Variants in ARMC3 observed in about 807,000 individuals in gnomAD.
ARMC3 encodes the protein armadillo repeat-containing protein 3.
Under a neutral mutation model 90.3 loss-of-function variants are expected in ARMC3, and 74 were observed. The ratio of observed to expected loss-of-function variants is 0.82; its 90% CI spans 0.68 to 0.99. The LOEUF (loss-of-function observed/expected upper bound fraction) is 0.99. ARMC3 is among the 50% of genes least tolerant of loss of function. The pLI, the probability that ARMC3 is intolerant of heterozygous loss-of-function variation, is 0.00. For missense variants in ARMC3, 958 were observed against 1,042.8 expected (o/e 0.92, Z 1.12); for synonymous variants, 334 against 361.8 (o/e 0.92, Z 0.87).
intron 12 of ARMC3, among the ~76,000 whole-genome samples, chr10:23,002,571 TTTCTTTCTTTC>T (rs750985656): frequency 0.014 from 2,049 of 146,794 alleles, 32 homozygotes; most frequent in Middle Eastern, 0.048. Context: ...TCTTTCTTTC[TTTCTTTCTTTC>T]TTTTTCTTTC....
At chr10:23,030,140 AAT>A (rs571482598) in intron 16 of ARMC3, among the ~76,000 whole-genome samples, 197 of 152,296 alleles carry the variant, frequency 1.3e-3, no homozygotes, top group African/African-American at 4.2e-3. Flanking sequence ...TGTCCTGCCT[AAT>A]ATAGACTCTA....
chr10:22,954,445 T>G (rs1834849576), intron 3 of ARMC3, among the ~76,000 whole-genome samples: 1 of 151,630 alleles, frequency 6.6e-6, no homozygotes, highest in Admixed American at 6.6e-5. Context: ...GAGGATCACT[T>G]GAGCCCAGGA....
At chr10:22,992,964 A>C (rs1403659585) in intron 10 of ARMC3, among the ~76,000 whole-genome samples, 1 of 144,884 alleles carries the variant, frequency 6.9e-6, no homozygotes, top group East Asian at 2.0e-4. Flanking sequence ...GTCTGCCGCC[A>C]ATATGTCTTC....
chr10:22,961,777 G>T, intron 6 of ARMC3, 107 bp from the exon 7 acceptor site: 1 of 944,056 alleles, frequency 1.1e-6, no homozygotes, highest in East Asian at 2.8e-5. Flanking sequence ...TGGAATAAAA[G>T]ATGGGCAAAT....
Position 23,003,376 on chromosome 10 carries a change from A to C in ARMC3, c.1693A>C (p.Ser565Arg), listed in dbSNP as rs761894758. 22 of 1,611,768 alleles carry C rather than the reference A, an allele frequency of 1.4e-5. No homozygotes were observed. The highest frequency in any genetic ancestry group is 1.9e-5 in the Non-Finnish European group (22 of 1,179,104). Residue 565 changes from serine (S) to arginine (R), a missense_variant, in exon 13 of 19, where the codon AGT becomes CGT. Physicochemically the swap from Ser to Arg is moderately radical, Grantham distance 110. Coordinates refer to ENST00000298032, the MANE Select transcript of ARMC3 (RefSeq NM_173081.5). ...KYSQTGYLSSSNIINDGFYDY... is the reference protein window; with the variant it reads ...KYSQTGYLSSRNIINDGFYDY... ...CAGCCAGACTGGCTATTTGTCATCA[A>C]GTAACATAATTAACGATGGATTCTA...
At chr10:23,001,604 G>T (rs2131421864) in intron 11 of ARMC3, among the ~76,000 whole-genome samples, 1 of 152,214 alleles carries the variant, frequency 6.6e-6, no homozygotes, top group Non-Finnish European at 1.5e-5. Flanking sequence ...CAGTGTTCAG[G>T]AGCAGAGTGA....
chr10:22,937,425 CT>C (rs1834153978), intron 2 of ARMC3, among the ~76,000 whole-genome samples: 1 of 152,046 alleles, frequency 6.6e-6, no homozygotes, highest in South Asian at 2.1e-4. Context: ...TGTGAGGTCT[CT>C]GGGGTGAAAG....
intron 16 of ARMC3, among the ~76,000 whole-genome samples, chr10:23,013,520 T>A (rs1428654324): frequency 1.3e-5 from 2 of 152,208 alleles, no homozygotes; most frequent in Non-Finnish European, 2.9e-5. Flanking sequence ...AAACATGATG[T>A]TTTGATATCT....
chr10:22,988,811 CTT>C (rs1349391298), intron 10 of ARMC3, among the ~76,000 whole-genome samples: 5 of 152,206 alleles, frequency 3.3e-5, no homozygotes, highest in Non-Finnish European at 7.3e-5. Flanking sequence ...CACAGACCCA[CTT>C]ACATAAGTAA....
intron 2 of ARMC3, among the ~76,000 whole-genome samples, chr10:22,935,841 T>A (rs1381221172): frequency 6.6e-6 from 1 of 152,188 alleles, no homozygotes. Flanking sequence ...TTTTAGCAAA[T>A]TTTTCCGGAT....
At chr10:23,009,084 C>T (rs1783030251) in intron 16 of ARMC3, among the ~76,000 whole-genome samples, 153 bp downstream of exon 16, 1 of 152,224 alleles carries the variant, frequency 6.6e-6, no homozygotes, top group South Asian at 2.1e-4. Flanking sequence ...TTGTCTCTTA[C>T]CATCTCTTTA....
At chr10:22,936,990 A>G (rs1834134605) in intron 2 of ARMC3, among the ~76,000 whole-genome samples, 1 of 151,524 alleles carries the variant, frequency 6.6e-6, no homozygotes, top group Non-Finnish European at 1.5e-5. Context: ...TGCAGCCTCC[A>G]CCTCCCAGCT....
At chr10:23,011,367 A>G (rs1838006020) in intron 16 of ARMC3, among the ~76,000 whole-genome samples, 2 of 152,262 alleles carry the variant, frequency 1.3e-5, no homozygotes, top group Non-Finnish European at 2.9e-5. Context: ...AAATAAAAAT[A>G]GAACCATTTT....
intron 8 of ARMC3, among the ~76,000 whole-genome samples, chr10:22,975,220 G>A (rs993294139): frequency 6.6e-6 from 1 of 152,110 alleles, no homozygotes; most frequent in Admixed American, 6.5e-5. Flanking sequence ...CAATTTAACT[G>A]GGTTTGGAAT....
chr10:23,006,002 G>C (rs1041982650), intron 13 of ARMC3, among the ~76,000 whole-genome samples: 1 of 152,180 alleles, frequency 6.6e-6, no homozygotes, highest in South Asian at 2.1e-4. Context: ...AGTCAGGTGG[G>C]TATCACTGAG....
At chr10:22,985,025 A>G (rs1362243491) in intron 10 of ARMC3, among the ~76,000 whole-genome samples, 1 of 143,332 alleles carries the variant, frequency 7.0e-6, no homozygotes, top group Admixed American at 7.1e-5. Context: ...GGCATGCACC[A>G]TCCCACCCAG....
chr10:22,941,425 G>A (rs1236237781), intron 2 of ARMC3, among the ~76,000 whole-genome samples: 2 of 152,152 alleles, frequency 1.3e-5, no homozygotes, highest in Non-Finnish European at 2.9e-5. Context: ...GAATTTAGTT[G>A]ACAGGGAGGA....
chr10:22,938,022 A>G (rs903639631), intron 2 of ARMC3, among the ~76,000 whole-genome samples: 3 of 152,246 alleles, frequency 2.0e-5, no homozygotes, highest in African/African-American at 7.2e-5. Flanking sequence ...AGAAACAGTC[A>G]ATTAATAATA....
intron 16 of ARMC3, among the ~76,000 whole-genome samples, chr10:23,011,955 A>G (rs1309507646): frequency 6.6e-6 from 1 of 152,212 alleles, no homozygotes; most frequent in Non-Finnish European, 1.5e-5. Flanking sequence ...TGCTAGGGAC[A>G]GGCCACTTGA....
Sources: gnomAD v4.1 joint callset for allele counts (sites outside exome capture counted in the v4.1 genomes callset) on GRCh38, gnomAD v4.1.1 for gene constraint, MANE v1.5 for transcripts, NCBI Gene and HGNC (gene_info 2026-07-23, HGNC 2026-07-21) for gene names.